The following CDKL4 variants were observed in gnomAD, a reference collection of about 807,000 sequenced individuals.
CDKL4 encodes cyclin-dependent kinase-like 4.
CDKL4 carries 44 observed loss-of-function variants against 42.0 expected under a neutral mutation model. The observed-to-expected ratio is 1.05, with a 90% CI of 0.82 to 1.35. The LOEUF (loss-of-function observed/expected upper bound fraction) is 1.35, where lower values mean the gene tolerates loss of function less well. Ranked by LOEUF, CDKL4 falls within the 40% of genes most tolerant of loss-of-function variation. CDKL4 has a pLI of 0.00. For synonymous variants in CDKL4, 120 were observed against 121.6 expected, an observed-to-expected ratio of 0.99 and a Z score of 0.09; for missense variants, 393 against 369.9, an observed-to-expected ratio of 1.06 and a Z score of -0.51.
intron 3 of CDKL4, among the ~76,000 whole-genome samples, chr2:39,220,586 G>GA (rs1553391203): frequency 6.7e-6 from 1 of 148,962 alleles, no homozygotes; most frequent in African/African-American, 2.5e-5. Flanking sequence ...CGAGATTCTG[G>GA]TTTTTTTTTT....
At chr2:39,175,369 G>T (rs759223675), downstream of CDKL4, among the ~76,000 whole-genome samples, 66 of 152,174 alleles carry the variant, frequency 4.3e-4, no homozygotes, top group Non-Finnish European at 8.5e-4. Flanking sequence ...TGTTTGCTAT[G>T]TATTGGAATT....
Position 39,212,857 on chromosome 2 carries a change from C to A in CDKL4, c.363+543G>T, listed in dbSNP as rs375104388. Among the ~76,000 whole-genome samples, 10 of 152,072 alleles carry A rather than the reference C, an allele frequency of 6.6e-5. No homozygotes were observed. In the East Asian group the frequency reaches 2.0e-3, roughly 30 times the overall value. On this transcript the variant is annotated intron_variant, in intron 4 of 9. Transcript: ENST00000451199. ...ATATTTTTTCATAGAGATAGAGTTTCTCCATGTTGCCCAGGCTGGTCTTGA... is the reference window on the plus strand; with the variant it reads ...ATATTTTTTCATAGAGATAGAGTTTATCCATGTTGCCCAGGCTGGTCTTGA...
At position 39,179,167 on chromosome 2, in the gene CDKL4, T is replaced by A; in HGVS notation, c.927+20A>T. The A allele has an allele frequency of 6.3e-7, 1 of 1,588,810 alleles. No individual in the cohort carries two copies. Among genetic ancestry groups the A allele is most frequent in the Non-Finnish European group, 8.5e-7 (1 of 1,174,010 alleles). ...AAAAGGAATTATTTTTATAGCACTT[T>A]AACTTTTGAGCGGAAGTACCTGTTG... On this transcript the variant is annotated intron_variant, in intron 9 of 9. Coordinates refer to ENST00000451199, the Ensembl canonical transcript of CDKL4.
intron 1 of CDKL4, among the ~76,000 whole-genome samples, chr2:39,239,858 G>A (rs1454368698): frequency 1.3e-5 from 2 of 152,120 alleles, no homozygotes; most frequent in African/African-American, 4.8e-5. Flanking sequence ...GGGAGGCTGA[G>A]GCAGGTGGAT....
At chr2:39,184,815 A>C (rs1199477621) in intron 7 of CDKL4, among the ~76,000 whole-genome samples, 168 bp from the exon 8 acceptor site, 2 of 151,576 alleles carry the variant, frequency 1.3e-5, no homozygotes, top group Non-Finnish European at 2.9e-5. Flanking sequence ...GCTTACTTTA[A>C]CCTTGAACTC....
At chr2:39,219,317 C>G (rs757006892) in intron 3 of CDKL4, among the ~76,000 whole-genome samples, 1 of 152,178 alleles carries the variant, frequency 6.6e-6, no homozygotes, top group Non-Finnish European at 1.5e-5. Context: ...GATTGGATAT[C>G]TGATGTAATG....
chr2:39,225,919 G>A, exon 3 of CDKL4: 2 of 1,611,172 alleles, frequency 1.2e-6, no homozygotes, highest in Non-Finnish European at 1.7e-6. Context: ...TTTTTCTCCT[G>A]AACACCTCGA....
chr2:39,214,874 A>G (rs1317291600), intron 3 of CDKL4, among the ~76,000 whole-genome samples: 2 of 152,184 alleles, frequency 1.3e-5, no homozygotes, highest in Non-Finnish European at 2.9e-5. Flanking sequence ...AAATACTGGG[A>G]AGTATCATGG....
chr2:39,206,147 G>T (rs1008214438), intron 4 of CDKL4, among the ~76,000 whole-genome samples: 6 of 151,648 alleles, frequency 4.0e-5, no homozygotes, highest in Admixed American at 3.9e-4. Flanking sequence ...TCCGCCCCCC[G>T]GGTTCAAGCG....
downstream of CDKL4, among the ~76,000 whole-genome samples, chr2:39,171,662 G>C (rs545756969): frequency 2.6e-5 from 4 of 152,288 alleles, no homozygotes; most frequent in South Asian, 8.3e-4. Context: ...TCTGCATTTT[G>C]AATGGCCTGA....
At chr2:39,196,185 T>A (rs1676507069) in intron 5 of CDKL4, among the ~76,000 whole-genome samples, 1 of 152,034 alleles carries the variant, frequency 6.6e-6, no homozygotes. Context: ...CTAGTGCGCA[T>A]AACAAAAATA....
At chr2:39,198,105 TA>T (rs1184825626) in intron 5 of CDKL4, among the ~76,000 whole-genome samples, 1 of 151,978 alleles carries the variant, frequency 6.6e-6, no homozygotes, top group Non-Finnish European at 1.5e-5. Flanking sequence ...ACCTGACACA[TA>T]AGGACTCACA....
At chr2:39,168,914 G>A in the CDKL4 span, among the ~76,000 whole-genome samples, 18 of 151,656 alleles carry the variant, frequency 1.2e-4, no homozygotes, top group South Asian at 3.8e-3. Flanking sequence ...ATGCCACCAC[G>A]CCCAGCTAAT....
Position 39,229,467 on chromosome 2 carries a change from TC to T in CDKL4, c.65del (p.Arg22LysfsTer8), listed in dbSNP as rs1678964625. 1 of 1,613,516 alleles carries T rather than the reference TC, an allele frequency of 6.2e-7. No individual in the cohort carries two copies. Among genetic ancestry groups the T allele is most frequent in the South Asian group, 1.1e-5 (1 of 90,924 alleles). ...CTACTACTTGTCCAGAGGTTTTGTTTCTGCATTTGAATACAACCCCATAAGA... is the reference window on the plus strand; with the variant it reads ...CTACTACTTGTCCAGAGGTTTTGTTTTGCATTTGAATACAACCCCATAAGA... On this transcript the variant is annotated frameshift_variant, in exon 2 of 10. Coordinates refer to ENST00000451199, the Ensembl canonical transcript of CDKL4. LOFTEE classifies it high-confidence loss of function.
At chr2:39,242,641 T>C (rs141777478) in intron 1 of CDKL4, among the ~76,000 whole-genome samples, 80 of 152,242 alleles carry the variant, frequency 5.3e-4, no homozygotes, top group African/African-American at 1.8e-3. Flanking sequence ...TTTTCCATGA[T>C]TGTATCACAA....
rs200334617 is a variant in CDKL4 at position 39,179,266 on chromosome 2, C to T, written c.848G>A (p.Ser283Asn). The T allele has an allele frequency of 3.1e-6, 5 of 1,613,454 alleles. No individual in the cohort carries two copies. The South Asian group carries it at 3.3e-5, about 11-fold the overall frequency. Reference sequence around the variant, plus strand: ...CTCTTGAAAAGAATCAAAGTAGGAGCTCTCCAGGAGTTGGGAACAGGTTAA... The same window carrying T: ...CTCTTGAAAAGAATCAAAGTAGGAGTTCTCCAGGAGTTGGGAACAGGTTAA... Residue 283 changes from serine (S) to asparagine (N), a missense_variant, in exon 9 of 10, where the codon AGC becomes AAC. Coordinates refer to ENST00000451199, the Ensembl canonical transcript of CDKL4.
At chr2:39,196,243 C>G (rs1204516405) in intron 5 of CDKL4, among the ~76,000 whole-genome samples, 1 of 152,184 alleles carries the variant, frequency 6.6e-6, no homozygotes, top group Admixed American at 6.5e-5. Flanking sequence ...AAAAATACAA[C>G]CAAGGACCCT....
chr2:39,197,289 A>AG (rs1199830248), intron 5 of CDKL4, among the ~76,000 whole-genome samples: 2 of 152,224 alleles, frequency 1.3e-5, no homozygotes, highest in Non-Finnish European at 2.9e-5. Context: ...AAAGAAAAAA[A>AG]GAATTAAAAA....
chr2:39,207,782 T>A (rs894754524), intron 4 of CDKL4, among the ~76,000 whole-genome samples: 1 of 152,174 alleles, frequency 6.6e-6, no homozygotes, highest in Non-Finnish European at 1.5e-5. Context: ...GAGAGGATAC[T>A]GAAGAAATTT....
Sources: allele counts gnomAD v4.1 joint callset (sites outside exome capture counted in the v4.1 genomes callset), GRCh38; gene constraint gnomAD v4.1.1; transcripts MANE v1.5; gene names NCBI Gene and HGNC (gene_info 2026-07-23, HGNC 2026-07-21).